Variants in SCFD2 observed in about 807,000 individuals in gnomAD.
SCFD2 encodes sec1 family domain-containing protein 2.
In SCFD2, 54 loss-of-function variants were observed where a neutral mutation model predicts 58.9. The ratio of observed to expected loss-of-function variants is 0.92; its 90% CI spans 0.74 to 1.15. The LOEUF (loss-of-function observed/expected upper bound fraction) is 1.15. SCFD2 is among the 50% of genes most tolerant of loss of function. SCFD2 has a pLI of 0.00. For synonymous variants in SCFD2, 321 were observed against 335.9 expected (o/e 0.96, Z 0.49); for missense variants, 805 against 836.6 (o/e 0.96, Z 0.47).
intron 5 of SCFD2, among the ~76,000 whole-genome samples, chr4:53,010,008 C>A (rs1410439045): frequency 3.3e-5 from 5 of 152,176 alleles, no homozygotes; most frequent in Non-Finnish European, 7.4e-5. Flanking sequence ...AGCACATCAC[C>A]TTCTAAGTCA....
At chr4:53,184,020 A>G (rs567055211) in intron 4 of SCFD2, among the ~76,000 whole-genome samples, 2 of 152,306 alleles carry the variant, frequency 1.3e-5, no homozygotes, top group East Asian at 3.9e-4. Context: ...CCTTTCAGAG[A>G]CTACAAAATT....
chr4:53,213,814 C>A lies in SCFD2; in HGVS notation c.1311+60012G>T, dbSNP rs111763889. Among the ~76,000 whole-genome samples, 1,338 of 152,188 alleles carry A rather than the reference C, an allele frequency of 8.8e-3. 29 individuals carry two copies. Among genetic ancestry groups the A allele is most frequent in the African/African-American group, 0.03 (1,262 of 41,460 alleles). The stretch of plus-strand genomic sequence containing the variant: ...ATTCTATCCCTCCCTCCTCCCACCA[C>A]CCCACGACAGGCCCTGGTGTGTGAT... On this transcript the variant is annotated intron_variant, in intron 4 of 8. Coordinates refer to ENST00000401642, the MANE Select transcript of SCFD2 (RefSeq NM_152540.4).
intron 4 of SCFD2, among the ~76,000 whole-genome samples, chr4:53,199,983 A>G (rs1447879856): frequency 1.3e-5 from 2 of 151,936 alleles, no homozygotes; most frequent in Non-Finnish European, 2.9e-5. Flanking sequence ...GGAGAGAGAG[A>G]GAGAATGCAA....
Position 53,079,358 on chromosome 4 carries a change from T to C in SCFD2, c.1561+65975A>G, listed in dbSNP as rs578019283. Among the ~76,000 whole-genome samples the C allele has an allele frequency of 3.3e-5, 5 of 152,284 alleles. No homozygotes were observed. In the South Asian group the frequency reaches 1.0e-3, roughly 32 times the overall value. ...CGATTACACAGTCTACCAATTCAAA[T>C]GCAAATTCCTTCTGCAAACAACTTC... On this transcript the variant is annotated intron_variant, in intron 5 of 8. Coordinates refer to ENST00000401642, the MANE Select transcript of SCFD2 (RefSeq NM_152540.4).
chr4:53,178,560 A>T (rs545573219), intron 4 of SCFD2, among the ~76,000 whole-genome samples: 1 of 152,336 alleles, frequency 6.6e-6, no homozygotes, highest in Admixed American at 6.5e-5. Flanking sequence ...AAAACAGAGC[A>T]GAAAAACTGG....
intron 5 of SCFD2, among the ~76,000 whole-genome samples, chr4:53,103,879 AGCTGGAACAATATGAGCT>A (rs1724906971): frequency 6.8e-6 from 1 of 146,358 alleles, no homozygotes. Context: ...CAATGGCCAA[AGCTGGAACAATATGAGCT>A]AAAAAAAAAA....
At chr4:53,062,391 C>CAATAACAAT (rs141956811) in intron 5 of SCFD2, among the ~76,000 whole-genome samples, 3 of 149,786 alleles carry the variant, frequency 2.0e-5, no homozygotes, top group African/African-American at 7.4e-5. Flanking sequence ...CGTACAATAA[C>CAATAACAAT]AATAATAATA....
intron 4 of SCFD2, among the ~76,000 whole-genome samples, chr4:53,219,623 G>A (rs1400980188): frequency 5.9e-5 from 9 of 151,922 alleles, no homozygotes; most frequent in South Asian, 4.2e-4. Context: ...GCTCACACTC[G>A]GTGGGCTGCA....
intron 7 of SCFD2, among the ~76,000 whole-genome samples, chr4:52,896,344 T>C (rs1719012377): frequency 6.6e-6 from 1 of 152,162 alleles, no homozygotes; most frequent in African/African-American, 2.4e-5. Context: ...TTGTATAAGG[T>C]GTAAGGAAGG....
At chr4:53,344,802 T>C (rs1358511249) in intron 2 of SCFD2, among the ~76,000 whole-genome samples, 1 of 152,154 alleles carries the variant, frequency 6.6e-6, no homozygotes, top group Non-Finnish European at 1.5e-5. Flanking sequence ...ACCACACATC[T>C]ACAATCACCT....
At chr4:53,352,409 G>A (rs1399367959) in intron 2 of SCFD2, among the ~76,000 whole-genome samples, 189 bp downstream of exon 2, 1 of 152,128 alleles carries the variant, frequency 6.6e-6, no homozygotes, top group East Asian at 1.9e-4. Context: ...ATACTTTCTG[G>A]ATTATTATGT....
intron 5 of SCFD2, among the ~76,000 whole-genome samples, chr4:53,139,278 G>A (rs530781268): frequency 2.0e-5 from 3 of 152,190 alleles, no homozygotes; most frequent in Non-Finnish European, 4.4e-5. Context: ...TGCAACCTCT[G>A]CCCGGCCGCC....
intron 4 of SCFD2, among the ~76,000 whole-genome samples, chr4:53,250,503 T>A (rs757081474): frequency 3.9e-5 from 6 of 152,128 alleles, no homozygotes; most frequent in Non-Finnish European, 8.8e-5. Context: ...TATAAAGCTC[T>A]CCTCAGCAAA....
intron 5 of SCFD2, among the ~76,000 whole-genome samples, chr4:53,057,751 A>G (rs1289568297): frequency 2.6e-5 from 4 of 152,302 alleles, no homozygotes; most frequent in African/African-American, 9.6e-5. Flanking sequence ...GGTATGTGCC[A>G]TTCAAGATAG....
At chr4:52,907,378 T>A (rs1719371348) in intron 7 of SCFD2, 79 bp downstream of exon 7, 3 of 1,419,862 alleles carry the variant, frequency 2.1e-6, no homozygotes, top group Non-Finnish European at 3.0e-6. Context: ...CTGGCTAGGG[T>A]TAACAGGGTG....
At chr4:53,196,712 T>G (rs1728069089) in intron 4 of SCFD2, among the ~76,000 whole-genome samples, 1 of 151,946 alleles carries the variant, frequency 6.6e-6, no homozygotes, top group Non-Finnish European at 1.5e-5. Context: ...GAAATGTCAT[T>G]GAAATCATTT....
chr4:53,045,424 C>G lies in SCFD2; in HGVS notation c.1561+99909G>C, dbSNP rs562547171. On this transcript the variant is annotated intron_variant, in intron 5 of 8. Coordinates refer to ENST00000401642, the MANE Select transcript of SCFD2 (RefSeq NM_152540.4). The stretch of plus-strand genomic sequence containing the variant: ...CTAGTATTCTACGGCCAATGTATTT[C>G]TTTTTGGATATGTAATTTAGCTTTA... Among the ~76,000 whole-genome samples the G allele has an allele frequency of 8.1e-4, 123 of 152,042 alleles. 1 individual carries two copies. In the South Asian group the frequency reaches 0.024, roughly 30 times the overall value.
At chr4:53,096,871 C>CA (rs1214683808) in intron 5 of SCFD2, among the ~76,000 whole-genome samples, 3 of 152,044 alleles carry the variant, frequency 2.0e-5, no homozygotes, top group Non-Finnish European at 4.4e-5. Context: ...GTCTTTAATC[C>CA]ATCTTGAATT....
At chr4:53,282,749 T>C (rs1472018726) in intron 3 of SCFD2, among the ~76,000 whole-genome samples, 1 of 152,190 alleles carries the variant, frequency 6.6e-6, no homozygotes, top group African/African-American at 2.4e-5. Context: ...AATGATAATA[T>C]TCAAGTAAAT....
Sources: gnomAD v4.1 joint callset for allele counts (sites outside exome capture counted in the v4.1 genomes callset) on GRCh38, gnomAD v4.1.1 for gene constraint, MANE v1.5 for transcripts, NCBI Gene and HGNC (gene_info 2026-07-23, HGNC 2026-07-21) for gene names.